Variants in CSMD1 observed in about 807,000 individuals in gnomAD.
CSMD1 encodes CUB and sushi domain-containing protein 1.
CSMD1 carries 213 observed loss-of-function variants against 417.5 expected under a neutral mutation model. The ratio of observed to expected loss-of-function variants is 0.51; its 90% confidence interval spans 0.46 to 0.57. CSMD1 has a LOEUF of 0.57. Among genes scored for constraint, CSMD1 ranks in the 20% least tolerant of loss-of-function variants. The probability of loss-of-function intolerance (pLI) is 0.00; values close to 1 mark genes in which losing one functional copy is unlikely to be tolerated. For missense variants in CSMD1, 6,923 were observed against 4,529.7 expected, an observed-to-expected ratio of 1.53 and a Z score of -15.17; for synonymous variants, 2,862 against 1,736.8, an observed-to-expected ratio of 1.65 and a Z score of -16.11.
chr8:4,957,484 C>T (rs147310585), intron 1 of CSMD1, among the ~76,000 whole-genome samples: 116 of 152,314 alleles, frequency 7.6e-4, no homozygotes, highest in African/African-American at 2.5e-3. Flanking sequence ...GGAAGACACA[C>T]ATATCAGAGT....
intron 12 of CSMD1, among the ~76,000 whole-genome samples, chr8:3,430,726 G>A (rs893477847): frequency 1.3e-5 from 2 of 152,128 alleles, no homozygotes; most frequent in South Asian, 2.1e-4. Context: ...AGGATCACCT[G>A]AACCCTGGAG....
intron 12 of CSMD1, among the ~76,000 whole-genome samples, chr8:3,416,218 T>C (rs936913464): frequency 3.4e-4 from 48 of 142,436 alleles, no homozygotes; most frequent in Non-Finnish European, 7.5e-5. Context: ...AGGAGAATGG[T>C]GTGAACCTAG....
intron 1 of CSMD1, among the ~76,000 whole-genome samples, chr8:4,670,798 C>A (rs1408691082): frequency 1.3e-5 from 2 of 152,116 alleles, no homozygotes; most frequent in Non-Finnish European, 2.9e-5. Context: ...TAATTTGTTT[C>A]ATGTGCTCAG....
rs1247802736 is a variant in CSMD1 at position 3,089,628 on chromosome 8, T to C, written c.7285+1888A>G. ...AGGGACACTTTCATTTAATCAATGC[T>C]CAAAAATTACTGATGCTGACCTAGC... On this transcript the variant is annotated intron_variant, in intron 48 of 69. Transcript: ENST00000635120. 3.3e-5 allele frequency among the ~76,000 whole-genome samples: 5 copies of C among 152,290 alleles called. No individual in the cohort carries two copies. In the East Asian group the frequency reaches 7.7e-4, roughly 24 times the overall value.
chr8:3,333,622 G>A (rs1033525184), intron 23 of CSMD1, among the ~76,000 whole-genome samples: 1 of 152,174 alleles, frequency 6.6e-6, no homozygotes, highest in Non-Finnish European at 1.5e-5. Context: ...AATCTTTATT[G>A]AAATAAGTAA....
chr8:4,674,281 T>C (rs1006409719), intron 1 of CSMD1, among the ~76,000 whole-genome samples: 4 of 152,116 alleles, frequency 2.6e-5, no homozygotes, highest in South Asian at 2.1e-4. Context: ...GAGTCTGGCA[T>C]GTGCAGGGCA....
chr8:3,393,227 T>G (rs1811452988), intron 17 of CSMD1, among the ~76,000 whole-genome samples: 1 of 152,170 alleles, frequency 6.6e-6, no homozygotes. Context: ...TTTAGAGCAG[T>G]GAGCCTTTGA....
chr8:3,707,033 G>C (rs1480370609), intron 7 of CSMD1, among the ~76,000 whole-genome samples: 2 of 151,912 alleles, frequency 1.3e-5, no homozygotes, highest in Non-Finnish European at 2.9e-5. Context: ...CCTAAGACCA[G>C]AGGGGTAGTC....
intron 11 of CSMD1, among the ~76,000 whole-genome samples, chr8:3,480,443 T>C (rs1358201212): frequency 2.0e-5 from 3 of 151,954 alleles, no homozygotes; most frequent in East Asian, 1.9e-4. Flanking sequence ...CAAATACACA[T>C]AGAAAAAAGA....
At chr8:4,215,556 A>G (rs1173441740) in intron 3 of CSMD1, among the ~76,000 whole-genome samples, 2 of 152,058 alleles carry the variant, frequency 1.3e-5, no homozygotes, top group African/African-American at 4.8e-5. Flanking sequence ...TGTTCTGATA[A>G]TCATAGATCA....
Position 3,398,663 on chromosome 8 carries a change from A to T in CSMD1, c.2405+728T>A, listed in dbSNP as rs898982543. On this transcript the variant is annotated intron_variant, in intron 16 of 69. Transcript: ENST00000635120. Reference sequence around the variant, plus strand: ...AATGTTATGCAGAGAATAACCTTGAAACTTTCAACAAAGATGCCTCCCTAG... The same window carrying T: ...AATGTTATGCAGAGAATAACCTTGATACTTTCAACAAAGATGCCTCCCTAG... Among the ~76,000 whole-genome samples, 10 of 152,318 alleles carry T rather than the reference A, an allele frequency of 6.6e-5. No homozygotes were observed. The South Asian group carries it at 2.1e-3, about 32-fold the overall frequency.
chr8:4,855,175 G>A (rs1384237021), intron 1 of CSMD1, among the ~76,000 whole-genome samples: 2 of 150,080 alleles, frequency 1.3e-5, no homozygotes, highest in Non-Finnish European at 2.9e-5. Flanking sequence ...ACACGGCAGG[G>A]TACTCCAACA....
At chr8:4,223,571 T>A (rs1280119783) in intron 3 of CSMD1, among the ~76,000 whole-genome samples, 7 of 152,248 alleles carry the variant, frequency 4.6e-5, no homozygotes, top group African/African-American at 1.7e-4. Context: ...GCAGGACCTG[T>A]GTCACCTGAA....
chr8:4,559,738 A>G (rs1393668906), intron 2 of CSMD1, among the ~76,000 whole-genome samples: 3 of 152,258 alleles, frequency 2.0e-5, no homozygotes, highest in Non-Finnish European at 4.4e-5. Context: ...TCTTTCTGTT[A>G]TTTCACAAAT....
At chr8:4,688,294 A>C (rs1203762382) in intron 1 of CSMD1, among the ~76,000 whole-genome samples, 5 of 152,178 alleles carry the variant, frequency 3.3e-5, no homozygotes, top group Non-Finnish European at 5.9e-5. Context: ...TCTATGTCAA[A>C]AAACTGAAAA....
chr8:3,787,550 G>T (rs910758595), intron 5 of CSMD1, among the ~76,000 whole-genome samples: 2 of 152,144 alleles, frequency 1.3e-5, no homozygotes, highest in East Asian at 3.9e-4. Context: ...CCATGAATAG[G>T]TAAGAAGATA....
At chr8:4,926,784 T>C (rs1290481694) in intron 1 of CSMD1, among the ~76,000 whole-genome samples, 2 of 152,182 alleles carry the variant, frequency 1.3e-5, no homozygotes, top group Non-Finnish European at 2.9e-5. Flanking sequence ...CATCTCTCTG[T>C]ATTGGGATGC....
chr8:3,021,810 CGCAATCCCACAGCATCCGGAATGCACCT>C (rs1809430480), intron 51 of CSMD1, among the ~76,000 whole-genome samples: 4 of 139,698 alleles, frequency 2.9e-5, no homozygotes, highest in African/African-American at 8.1e-5. Context: ...GGAATGCACC[CGCAATCCCACAGCATCCGGAATGCACCT>C]GCAATCCCAC....
chr8:4,991,344 A>T (rs554712045), intron 1 of CSMD1, among the ~76,000 whole-genome samples: 1 of 152,330 alleles, frequency 6.6e-6, no homozygotes, highest in South Asian at 2.1e-4. Context: ...GGAAATCGCC[A>T]GTGAATTTTC....
Sources: allele counts gnomAD v4.1 joint callset (sites outside exome capture counted in the v4.1 genomes callset), GRCh38; gene constraint gnomAD v4.1.1; transcripts MANE v1.5; gene names NCBI Gene and HGNC (gene_info 2026-07-23, HGNC 2026-07-21).